Variants in MTSS1 observed in about 807,000 individuals in gnomAD.
The protein encoded by MTSS1 is MTSS I-BAR domain containing 1, also known as protein MTSS 1.
Under a neutral mutation model 79.0 loss-of-function variants are expected in MTSS1, and 18 were observed. That is an observed-to-expected ratio of 0.23 (90% CI 0.16 to 0.34). The LOEUF (loss-of-function observed/expected upper bound fraction) is 0.34, where lower values mean the gene tolerates loss of function less well. Among genes scored for constraint, MTSS1 ranks in the 10% least tolerant of loss-of-function variants. The pLI, the probability that MTSS1 is intolerant of heterozygous loss-of-function variation, is 1.00. For synonymous variants in MTSS1, 341 were observed against 368.6 expected (o/e 0.93, Z 0.86); for missense variants, 815 against 986.2 (o/e 0.83, Z 2.33).
intron 3 of MTSS1, among the ~76,000 whole-genome samples, chr8:124,686,182 G>A (rs1329529048): frequency 1.3e-5 from 2 of 152,208 alleles, no homozygotes; most frequent in Non-Finnish European, 2.9e-5. Flanking sequence ...CCACACAGCT[G>A]TGAGCAGGCA....
intron 3 of MTSS1, among the ~76,000 whole-genome samples, chr8:124,632,341 A>G (rs1334873172): frequency 6.6e-6 from 1 of 151,352 alleles, no homozygotes; most frequent in African/African-American, 2.4e-5. Flanking sequence ...ATTAACACAT[A>G]CATAGGTCAG....
intron 6 of MTSS1, among the ~76,000 whole-genome samples, chr8:124,583,967 C>T (rs77908092): frequency 0.017 from 2,619 of 152,248 alleles, 36 homozygotes; most frequent in South Asian, 0.072. Context: ...ATAAAACATA[C>T]GAAAGAAACT....
chr8:124,562,969 C>T lies in MTSS1; in HGVS notation c.848G>A (p.Ser283Asn). 1 of 1,610,536 alleles carries T rather than the reference C, an allele frequency of 6.2e-7. No homozygotes were observed. The highest frequency in any genetic ancestry group is 8.5e-7 in the Non-Finnish European group (1 of 1,178,746). The change falls in exon 10 of 14, where the codon AGT (serine) becomes AAT (asparagine). Residue 283 changes from serine (S) to asparagine (N), a missense_variant. Coordinates refer to ENST00000518547, the MANE Select transcript of MTSS1 (RefSeq NM_014751.6). ...GTGGGAGCCGCTGGACCGGGAGTCA[C>T]TGCTGTTGACACTGTTCAGGCTGCT... ...VCSSLNSVNS[S>N]DSRSSGSHSH...
At chr8:124,712,140 T>C (rs1474852947) in intron 1 of MTSS1, among the ~76,000 whole-genome samples, 2 of 152,170 alleles carry the variant, frequency 1.3e-5, no homozygotes, top group East Asian at 3.9e-4. Flanking sequence ...TTATCTCATC[T>C]TGGTTTTCTG....
intron 3 of MTSS1, among the ~76,000 whole-genome samples, chr8:124,623,659 G>A (rs1234894334): frequency 2.6e-5 from 4 of 152,058 alleles, no homozygotes; most frequent in African/African-American, 9.7e-5. Context: ...TTTGAGACAG[G>A]GTCTTGCTCT....
intron 4 of MTSS1, among the ~76,000 whole-genome samples, chr8:124,589,959 C>T (rs1050784335): frequency 2.6e-5 from 4 of 152,244 alleles, no homozygotes; most frequent in South Asian, 2.1e-4. Flanking sequence ...CAGGTTCAAG[C>T]GATTCCCCTG....
At chr8:124,609,382 C>A (rs1263535762) in intron 3 of MTSS1, among the ~76,000 whole-genome samples, 1 of 152,216 alleles carries the variant, frequency 6.6e-6, no homozygotes, top group African/African-American at 2.4e-5. Context: ...CGTCTCAGGG[C>A]AAAGTGGCTC....
rs536317443 is a variant in MTSS1 at position 124,561,519 on chromosome 8, T to A, written c.1035+1263A>T. ...TAAGTAAACCCAATATGCCCTCTTCTGCTTCCCTCCATGCCATGGGAAACA... is the reference window on the plus strand; with the variant it reads ...TAAGTAAACCCAATATGCCCTCTTCAGCTTCCCTCCATGCCATGGGAAACA... On this transcript the variant is annotated intron_variant, in intron 10 of 13. Transcript: ENST00000518547. Among the ~76,000 whole-genome samples the A allele has an allele frequency of 1.2e-4, 18 of 152,318 alleles. No individual in the cohort carries two copies. The South Asian group carries it at 3.5e-3, about 30-fold the overall frequency.
intron 3 of MTSS1, among the ~76,000 whole-genome samples, chr8:124,671,892 C>G (rs1824285445): frequency 6.6e-6 from 1 of 152,160 alleles, no homozygotes; most frequent in Admixed American, 6.5e-5. Context: ...TTTGTGCAGG[C>G]AAGGCAAAAG....
chr8:124,704,721 G>A (rs530142718), intron 1 of MTSS1, among the ~76,000 whole-genome samples: 1 of 152,304 alleles, frequency 6.6e-6, no homozygotes, highest in Admixed American at 6.5e-5. Context: ...ATAGCAACAG[G>A]TGGTTCCCCA....
At chr8:124,674,666 C>T (rs1480577360) in intron 3 of MTSS1, among the ~76,000 whole-genome samples, 1 of 151,990 alleles carries the variant, frequency 6.6e-6, no homozygotes, top group East Asian at 1.9e-4. Context: ...TTAAACCTCT[C>T]CCAGGCACTG....
chr8:124,631,596 T>A (rs774699546), intron 3 of MTSS1, among the ~76,000 whole-genome samples: 2 of 152,174 alleles, frequency 1.3e-5, no homozygotes, highest in South Asian at 2.1e-4. Flanking sequence ...AGTCTGAGCA[T>A]CTCTGGCACT....
chr8:124,581,454 AT>A (rs36050957), intron 6 of MTSS1, among the ~76,000 whole-genome samples: 1 of 138,090 alleles, frequency 7.2e-6, no homozygotes, highest in African/African-American at 2.8e-5. Flanking sequence ...CTTTACCAGA[AT>A]TTTTTTATTT....
intron 3 of MTSS1, among the ~76,000 whole-genome samples, chr8:124,611,183 C>G (rs1835753676): frequency 6.6e-6 from 1 of 151,318 alleles, no homozygotes; most frequent in Non-Finnish European, 1.5e-5. Flanking sequence ...AGGGCCCTGC[C>G]CATCAATTAT....
At chr8:124,714,201 C>T (rs1257861812) in intron 1 of MTSS1, among the ~76,000 whole-genome samples, 3 of 152,174 alleles carry the variant, frequency 2.0e-5, no homozygotes, top group South Asian at 2.1e-4. Context: ...TCTAAACTGA[C>T]GTCATGATGG....
rs568015125 is a variant in MTSS1 at position 124,656,032 on chromosome 8, A to G, written c.208+43494T>C. Among the ~76,000 whole-genome samples, 11 of 152,376 alleles carry G rather than the reference A, an allele frequency of 7.2e-5. No homozygotes were observed. In the East Asian group the frequency reaches 1.9e-3, roughly 27 times the overall value. ...ATAAAATCTTTGAACTTGGAATGAT[A>G]TAATCAGAAGGAGAAAAAAACCTAA... is the stretch of plus-strand genomic sequence containing the variant. On this transcript the variant is annotated intron_variant, in intron 3 of 13. Transcript: ENST00000518547.
chr8:124,716,133 A>G (rs565163499), intron 1 of MTSS1, among the ~76,000 whole-genome samples: 1 of 152,296 alleles, frequency 6.6e-6, no homozygotes, highest in African/African-American at 2.4e-5. Context: ...GTCTAGCAGT[A>G]AAGCTGATGT....
chr8:124,591,550 C>T (rs567226059), intron 3 of MTSS1, among the ~76,000 whole-genome samples: 1 of 152,266 alleles, frequency 6.6e-6, no homozygotes, highest in South Asian at 2.1e-4. Flanking sequence ...GACTTTACAA[C>T]CTATAAATCG....
At chr8:124,635,585 G>A (rs1423148312) in intron 3 of MTSS1, among the ~76,000 whole-genome samples, 1 of 152,108 alleles carries the variant, frequency 6.6e-6, no homozygotes, top group African/African-American at 2.4e-5. Flanking sequence ...TATCACTCTT[G>A]GTCTATTCTA....
Sources: gnomAD v4.1 joint callset for allele counts (sites outside exome capture counted in the v4.1 genomes callset) on GRCh38, gnomAD v4.1.1 for gene constraint, MANE v1.5 for transcripts, NCBI Gene and HGNC (gene_info 2026-07-23, HGNC 2026-07-21) for gene names.